Variants in VPS41 observed in about 807,000 individuals in gnomAD.
The protein encoded by VPS41 is vacuolar protein sorting-associated protein 41 homolog.
Under a neutral mutation model 130.9 loss-of-function variants are expected in VPS41, and 85 were observed. The ratio of observed to expected loss-of-function variants is 0.65; its 90% confidence interval spans 0.55 to 0.78. VPS41 has a LOEUF of 0.78. Ranked by LOEUF, VPS41 falls within the 30% of genes least tolerant of loss-of-function variation. VPS41 has a pLI of 0.00. For missense variants in VPS41, 874 were observed against 1,018.7 expected (o/e 0.86, Z 1.93); for synonymous variants, 335 against 332.9 (o/e 1.01, Z -0.07).
chr7:38,813,145 G>A (rs1784977047), intron 7 of VPS41, among the ~76,000 whole-genome samples: 1 of 152,134 alleles, frequency 6.6e-6, no homozygotes, highest in Non-Finnish European at 1.5e-5. Context: ...ACAAACGGAT[G>A]AATAAAACAT....
At chr7:38,807,371 G>C (rs781478402) in intron 7 of VPS41, among the ~76,000 whole-genome samples, 9 of 152,130 alleles carry the variant, frequency 5.9e-5, no homozygotes, top group Non-Finnish European at 1.3e-4. Context: ...GGCTGAAACT[G>C]AGTTAGAAAA....
chr7:38,769,695 C>T (rs950430961), intron 14 of VPS41, among the ~76,000 whole-genome samples: 2 of 152,194 alleles, frequency 1.3e-5, no homozygotes, highest in African/African-American at 4.8e-5. Flanking sequence ...TCAGTTACCA[C>T]ATCCCAAAGA....
At chr7:38,727,234 T>C (rs1299458746) in intron 27 of VPS41, 1 of 286,076 alleles carries the variant, frequency 3.5e-6, no homozygotes, top group Non-Finnish European at 6.5e-6. Flanking sequence ...CAGACTACAT[T>C]GAGGACAACT....
intron 10 of VPS41, among the ~76,000 whole-genome samples, chr7:38,785,973 TCTA>T (rs1432007883): frequency 6.6e-5 from 10 of 152,166 alleles, no homozygotes; most frequent in Non-Finnish European, 1.3e-4. Flanking sequence ...AAAAAACAAA[TCTA>T]CTGCATTTCC....
At chr7:38,728,473 T>G in intron 27 of VPS41, 69 bp downstream of exon 27, 1 of 1,562,108 alleles carries the variant, frequency 6.4e-7, no homozygotes, top group Non-Finnish European at 8.8e-7. Flanking sequence ...AGTTGGCTAA[T>G]TCCAAAATTT....
chr7:38,870,751 A>C (rs1342734082), intron 2 of VPS41, among the ~76,000 whole-genome samples: 2 of 149,232 alleles, frequency 1.3e-5, no homozygotes, highest in African/African-American at 2.4e-5. Context: ...AAAAAAAAAA[A>C]AAAAAAAAAA....
At chr7:38,842,021 C>G (rs1785618718) in intron 4 of VPS41, among the ~76,000 whole-genome samples, 1 of 152,196 alleles carries the variant, frequency 6.6e-6, no homozygotes, top group Non-Finnish European at 1.5e-5. Flanking sequence ...TATTCACATT[C>G]AACAACTACT....
At chr7:38,780,316 G>A (rs1033683599) in intron 10 of VPS41, among the ~76,000 whole-genome samples, 15 of 151,930 alleles carry the variant, frequency 9.9e-5, no homozygotes, top group African/African-American at 3.1e-4. Flanking sequence ...CCTGCAGGGA[G>A]TGCGCTATGT....
intron 24 of VPS41, 125 bp from the exon 25 acceptor site, chr7:38,742,246 AAAGT>A (rs1177513165): frequency 1.1e-6 from 1 of 916,894 alleles, no homozygotes; most frequent in Non-Finnish European, 1.6e-6. Context: ...TATTTCCTTC[AAAGT>A]AAGTGTTAAA....
intron 15 of VPS41, among the ~76,000 whole-genome samples, chr7:38,766,711 T>G (rs533545406): frequency 6.6e-6 from 1 of 150,894 alleles, no homozygotes; most frequent in Non-Finnish European, 1.5e-5. Context: ...GTTTTCATGA[T>G]AGTGAGTTAG....
chr7:38,900,731 G>A (rs1437097096), intron 1 of VPS41, among the ~76,000 whole-genome samples: 1 of 152,180 alleles, frequency 6.6e-6, no homozygotes, highest in African/African-American at 2.4e-5. Flanking sequence ...GGAATTGATG[G>A]AGAACATTTA....
At chr7:38,844,627 T>C (rs1013478634) in intron 4 of VPS41, among the ~76,000 whole-genome samples, 2 of 152,224 alleles carry the variant, frequency 1.3e-5, no homozygotes, top group African/African-American at 2.4e-5. Flanking sequence ...ATCCATGTCA[T>C]CCCTGTTTAA....
intron 17 of VPS41, among the ~76,000 whole-genome samples, chr7:38,762,508 A>G (rs1266281540): frequency 6.6e-6 from 1 of 152,230 alleles, no homozygotes; most frequent in Non-Finnish European, 1.5e-5. Context: ...GTCATGAAGC[A>G]TCTTTACCTC....
chr7:38,819,566 C>G (rs573804877), intron 6 of VPS41, among the ~76,000 whole-genome samples: 1 of 152,274 alleles, frequency 6.6e-6, no homozygotes. Flanking sequence ...GAGTCCTCAG[C>G]AAGGTCACCA....
At chr7:38,847,580 G>T (rs1785754454) in intron 4 of VPS41, among the ~76,000 whole-genome samples, 1 of 152,150 alleles carries the variant, frequency 6.6e-6, no homozygotes, top group Admixed American at 6.5e-5. Flanking sequence ...TAATCCTAAG[G>T]ATCTGCTATG....
chr7:38,872,425 T>C (rs538995488), intron 2 of VPS41, among the ~76,000 whole-genome samples: 17 of 152,314 alleles, frequency 1.1e-4, no homozygotes, highest in African/African-American at 4.1e-4. Context: ...GCATGAATAA[T>C]AGGAGGTAAG....
chr7:38,791,929 C>T (rs1428528605), intron 9 of VPS41, among the ~76,000 whole-genome samples: 1 of 152,166 alleles, frequency 6.6e-6, no homozygotes, highest in Admixed American at 6.5e-5. Flanking sequence ...AACTTGAGGG[C>T]TGACAGTCTT....
chr7:38,743,339 T>A, intron 24 of VPS41, 63 bp downstream of exon 24: 1 of 1,580,018 alleles, frequency 6.3e-7, no homozygotes, highest in Non-Finnish European at 8.7e-7. Context: ...GTTTTTAATC[T>A]AGACATAACT....
At position 38,748,145 on chromosome 7, in the gene VPS41, C is replaced by T. The variant is rs764765503; in HGVS notation, c.1927-2532G>A. On this transcript the variant is annotated intron_variant, in intron 22 of 28. Transcript: ENST00000310301. ...ATTTAGATTCTTGAATGTTCCTGGA[C>T]CATGGTGCTCCCTCTAGAGGAAACA... 4.6e-5 allele frequency among the ~76,000 whole-genome samples: 7 copies of T among 152,168 alleles called. No homozygotes were observed. The South Asian group carries it at 1.5e-3, about 32-fold the overall frequency.
Sources: allele counts gnomAD v4.1 joint callset (sites outside exome capture counted in the v4.1 genomes callset), GRCh38; gene constraint gnomAD v4.1.1; transcripts MANE v1.5; gene names NCBI Gene and HGNC (gene_info 2026-07-23, HGNC 2026-07-21).